BMPER: variants seen among roughly 807,000 people sequenced by gnomAD.
BMPER encodes BMP-binding endothelial regulator protein.
BMPER carries 45 observed loss-of-function variants against 87.3 expected under a neutral mutation model. The observed-to-expected ratio is 0.52, with a 90% confidence interval of 0.41 to 0.66. BMPER has a LOEUF of 0.66. BMPER is among the 30% of genes least tolerant of loss of function. The pLI, the probability that BMPER is intolerant of heterozygous loss-of-function variation, is 0.00. For missense variants in BMPER, 784 were observed against 867.5 expected (o/e 0.90, Z 1.21); for synonymous variants, 326 against 316.2 (o/e 1.03, Z -0.33).
intron 6 of BMPER, among the ~76,000 whole-genome samples, chr7:34,019,365 C>G (rs1412945864): frequency 6.6e-6 from 1 of 152,032 alleles, no homozygotes; most frequent in Non-Finnish European, 1.5e-5. Flanking sequence ...AAGGGCTTCA[C>G]TACCCAAGAC....
At position 34,085,743 on chromosome 7, in the gene BMPER, C is replaced by T; in HGVS notation, c.1409-13C>T. ...TGAGTGATTGATTTCCTTTTCCTCT[C>T]CTCCTCCTCTAGGTTTGGAAATATC... is the stretch of plus-strand genomic sequence containing the variant. On this transcript the variant is annotated splice_polypyrimidine_tract_variant and intron_variant, in intron 12 of 14. Coordinates refer to ENST00000649409, the MANE Select transcript of BMPER (RefSeq NM_001365308.1). The T allele has an allele frequency of 6.2e-7, 1 of 1,603,828 alleles. No homozygotes were observed. The highest frequency in any genetic ancestry group is 8.5e-7 in the Non-Finnish European group (1 of 1,171,060).
rs142148750 is a variant in BMPER at position 34,131,534 on chromosome 7, C to T, written c.1746-11696C>T. Among the ~76,000 whole-genome samples, 285 of 152,326 alleles carry T rather than the reference C, an allele frequency of 1.9e-3. 1 individual carries two copies. The highest frequency in any genetic ancestry group is 6.5e-3 in the African/African-American group (272 of 41,582). ...GTTTGTGGGACTTGGCAGCCATCCACTGCCTAATGTGAAAAAGGCCTATGG... is the reference window on the plus strand; with the variant it reads ...GTTTGTGGGACTTGGCAGCCATCCATTGCCTAATGTGAAAAAGGCCTATGG... On this transcript the variant is annotated intron_variant, in intron 13 of 14. Coordinates refer to ENST00000649409, the MANE Select transcript of BMPER (RefSeq NM_001365308.1).
At chr7:33,933,075 C>G (rs1784518743) in intron 2 of BMPER, among the ~76,000 whole-genome samples, 2 of 152,222 alleles carry the variant, frequency 1.3e-5, no homozygotes, top group African/African-American at 4.8e-5. Context: ...TCAGACACAG[C>G]AAGCTGGCTG....
intron 2 of BMPER, among the ~76,000 whole-genome samples, chr7:33,919,585 G>A (rs927714865): frequency 1.3e-5 from 2 of 152,194 alleles, no homozygotes; most frequent in African/African-American, 4.8e-5. Flanking sequence ...CATGGTAGGA[G>A]CTCTGCAGGA....
intron 6 of BMPER, among the ~76,000 whole-genome samples, chr7:33,994,661 C>A (rs564775007): frequency 6.6e-6 from 1 of 152,270 alleles, no homozygotes; most frequent in African/African-American, 2.4e-5. Flanking sequence ...AAAAGTTTTG[C>A]CTTTGCTGTT....
chr7:34,113,942 G>A (rs1790046725), intron 13 of BMPER, among the ~76,000 whole-genome samples: 1 of 152,110 alleles, frequency 6.6e-6, no homozygotes, highest in Admixed American at 6.6e-5. Context: ...GTGGTTTTAA[G>A]TACAACTGTT....
At chr7:33,973,294 G>A (rs1785595524) in intron 5 of BMPER, among the ~76,000 whole-genome samples, 4 of 152,144 alleles carry the variant, frequency 2.6e-5, no homozygotes, top group Admixed American at 2.6e-4. Flanking sequence ...AGAGACGAGT[G>A]GGCATCTGCC....
intron 2 of BMPER, among the ~76,000 whole-genome samples, chr7:33,917,322 A>G (rs1010010039): frequency 4.0e-5 from 6 of 151,734 alleles, no homozygotes; most frequent in African/African-American, 1.5e-4. Flanking sequence ...CTGGGAGCTG[A>G]CTCTCTTGAA....
chr7:34,047,795 C>CTTCCTTCCTTCCTTCCTTCCTTCA, intron 7 of BMPER, among the ~76,000 whole-genome samples: 2 of 33,462 alleles, frequency 6.0e-5, no homozygotes, highest in Non-Finnish European at 1.2e-4. Flanking sequence ...TCTTTCCTTC[C>CTTCCTTCCTTCCTTCCTTCCTTCA]TTCCTTCCTT....
In BMPER at chr7:34,096,648, C is replaced by T. The variant is rs1016915700; in HGVS notation, c.1745+10556C>T. ...TGCTGCACTGTCCATGACACTTGCA[C>T]ACAGAGATGGAGCAGTTGTGTAGCC... On this transcript the variant is annotated intron_variant, in intron 13 of 14. Coordinates refer to ENST00000649409, the MANE Select transcript of BMPER (RefSeq NM_001365308.1). Among the ~76,000 whole-genome samples the T allele has an allele frequency of 1.4e-4, 21 of 151,850 alleles. 1 individual carries two copies. Among genetic ancestry groups the T allele is most frequent in the African/African-American group, 5.1e-4 (21 of 41,294 alleles).
At chr7:34,047,843 CTCTT>C (rs1788029454) in intron 7 of BMPER, among the ~76,000 whole-genome samples, 1 of 148,298 alleles carries the variant, frequency 6.7e-6, no homozygotes. Context: ...TGCTTTCTTT[CTCTT>C]TCTATCATTT....
At chr7:33,910,747 GTGAAGACAGAGAGACCTTGTC>G (rs756767983) in intron 2 of BMPER, among the ~76,000 whole-genome samples, 5,854 of 152,202 alleles carry the variant, frequency 0.038, 272 homozygotes, top group African/African-American at 0.1. Flanking sequence ...CAATCAAATA[GTGAAGACAGAGAGACCTTGTC>G]TGCTGTCTTC....
chr7:34,054,947 G>C (rs554221652), intron 8 of BMPER, among the ~76,000 whole-genome samples: 3 of 152,136 alleles, frequency 2.0e-5, no homozygotes, highest in Non-Finnish European at 2.9e-5. Context: ...TAGGGGTTAC[G>C]TGCCATAGTT....
intron 13 of BMPER, among the ~76,000 whole-genome samples, chr7:34,097,254 A>T (rs1789553961): frequency 6.6e-6 from 1 of 152,234 alleles, no homozygotes; most frequent in Non-Finnish European, 1.5e-5. Flanking sequence ...GTTCACAGCC[A>T]TGGAGGCTAG....
At chr7:33,989,562 G>A (rs1000818528) in intron 6 of BMPER, among the ~76,000 whole-genome samples, 1 of 152,196 alleles carries the variant, frequency 6.6e-6, no homozygotes, top group African/African-American at 2.4e-5. Context: ...CCATTTTGTA[G>A]GTTGCCTGTT....
intron 13 of BMPER, among the ~76,000 whole-genome samples, chr7:34,110,349 T>C (rs1451334874): frequency 6.6e-6 from 1 of 152,076 alleles, no homozygotes; most frequent in African/African-American, 2.4e-5. Flanking sequence ...TTGTTGAAGG[T>C]GAGGGTACGG....
intron 7 of BMPER, among the ~76,000 whole-genome samples, chr7:34,048,087 T>C (rs1430979387): frequency 6.6e-6 from 1 of 152,148 alleles, no homozygotes; most frequent in East Asian, 2.0e-4. Flanking sequence ...TGTCCGTTAA[T>C]GCCCACGCCT....
intron 6 of BMPER, among the ~76,000 whole-genome samples, chr7:34,024,350 T>G (rs1787280542): frequency 1.3e-5 from 1 of 78,650 alleles, no homozygotes; most frequent in Non-Finnish European, 2.1e-5. Context: ...AGAGCGAAAC[T>G]CTGTCTCAAA....
chr7:33,956,643 C>T (rs1785154598), intron 3 of BMPER, among the ~76,000 whole-genome samples: 1 of 152,152 alleles, frequency 6.6e-6, no homozygotes, highest in Non-Finnish European at 1.5e-5. Flanking sequence ...CTTCCTCCAC[C>T]TACGTTAATG....
Sources: gnomAD v4.1 joint callset for allele counts (sites outside exome capture counted in the v4.1 genomes callset) on GRCh38, gnomAD v4.1.1 for gene constraint, MANE v1.5 for transcripts, NCBI Gene and HGNC (gene_info 2026-07-23, HGNC 2026-07-21) for gene names.